CLTCL1: variants seen among roughly 807,000 people sequenced by gnomAD.
CLTCL1 encodes clathrin heavy chain like 1, also known as clathrin heavy chain 2.
In CLTCL1, 159 loss-of-function variants were observed where a neutral mutation model predicts 190.0. The observed-to-expected ratio is 0.84, with a 90% CI of 0.74 to 0.95. CLTCL1 has a LOEUF of 0.95. CLTCL1 is among the 40% of genes least tolerant of loss of function. The pLI is 0.00. For synonymous variants in CLTCL1, 752 were observed against 769.6 expected (o/e 0.98, Z 0.38); for missense variants, 1,878 against 2,033.4 (o/e 0.92, Z 1.47).
At chr22:19,291,526 C>T in intron 1 of CLTCL1, 74 bp downstream of exon 1, 2 of 1,243,698 alleles carry the variant, frequency 1.6e-6, no homozygotes, top group Non-Finnish European at 2.1e-6. Flanking sequence ...GCTGGGGGCG[C>T]GGGGTCAAGC....
intron 19 of CLTCL1, among the ~76,000 whole-genome samples, chr22:19,215,616 A>G (rs2085359767): frequency 6.6e-6 from 1 of 152,166 alleles, no homozygotes; most frequent in Non-Finnish European, 1.5e-5. Flanking sequence ...CATCGGAAGC[A>G]CGCACTCGCA....
intron 9 of CLTCL1, chr22:19,232,894 A>G: frequency 1.8e-6 from 1 of 556,848 alleles, no homozygotes; most frequent in Non-Finnish European, 3.1e-6. Flanking sequence ...GTCTGCCAAA[A>G]TATCAAATTA....
intron 7 of CLTCL1, among the ~76,000 whole-genome samples, chr22:19,234,111 T>C (rs2086002073): frequency 6.6e-6 from 1 of 152,192 alleles, no homozygotes; most frequent in East Asian, 1.9e-4. Flanking sequence ...GCCGAAATGC[T>C]ATATTCTAAA....
chr22:19,263,842 T>C (rs1555976726), intron 2 of CLTCL1, among the ~76,000 whole-genome samples: 1 of 152,206 alleles, frequency 6.6e-6, no homozygotes, highest in Non-Finnish European at 1.5e-5. Context: ...TTCATGTAAC[T>C]CACTATTGTA....
At chr22:19,202,849 C>T (rs1555940706) in intron 22 of CLTCL1, among the ~76,000 whole-genome samples, 1 of 152,166 alleles carries the variant, frequency 6.6e-6, no homozygotes, top group East Asian at 1.9e-4. Context: ...GCACAGTGTC[C>T]GTGGAATGTC....
At chr22:19,197,054 G>A (rs1455107477) in intron 24 of CLTCL1, among the ~76,000 whole-genome samples, 2 of 152,116 alleles carry the variant, frequency 1.3e-5, no homozygotes, top group African/African-American at 4.8e-5. Flanking sequence ...ATGCCACGTG[G>A]CTGTTGTTTC....
intron 15 of CLTCL1, among the ~76,000 whole-genome samples, chr22:19,222,418 C>T (rs1268322604): frequency 1.3e-5 from 2 of 152,168 alleles, no homozygotes; most frequent in South Asian, 2.1e-4. Flanking sequence ...TGTCTGCAAG[C>T]GTGGGAGACA....
chr22:19,187,664 T>G lies in CLTCL1; in HGVS notation c.4499A>C (p.Glu1500Ala). The change falls in exon 29 of 33, where the codon GAG (glutamate) becomes GCG (alanine). Residue 1500 changes from glutamate (E) to alanine (A), a missense_variant. Glu to Ala is a moderately radical substitution (Grantham distance 107). Transcript: ENST00000427926. ...FDNISLAQQLEKHQLMEFRCI... is the reference protein window; with the variant it reads ...FDNISLAQQLAKHQLMEFRCI... ...CCTGAACTCCATCAGCTGATGCTTC[T>G]CCAGCTGCTGAGCCAGGCTGATGTT... 6.2e-7 allele frequency: 1 copy of G among 1,613,818 alleles called. No homozygotes were observed. The highest frequency in any genetic ancestry group is 1.7e-5 in the Admixed American group (1 of 60,024).
At chr22:19,211,635 C>T (rs770743926) in intron 19 of CLTCL1, among the ~76,000 whole-genome samples, 37 of 151,900 alleles carry the variant, frequency 2.4e-4, no homozygotes, top group Non-Finnish European at 4.0e-4. Context: ...GGCGTGGTGG[C>T]AGGCGCCTGT....
intron 7 of CLTCL1, 109 bp downstream of exon 7, chr22:19,234,400 A>G: frequency 1.0e-6 from 1 of 995,116 alleles, no homozygotes; most frequent in Non-Finnish European, 1.4e-6. Context: ...CTCCTAACAT[A>G]ACACTAATAG....
At position 19,184,002 on chromosome 22, in the gene CLTCL1, T is replaced by A. The variant is rs138464143; in HGVS notation, c.4606-391A>T. 5.9e-3 allele frequency: 1,848 copies of A among 314,200 alleles called. 29 individuals carry two copies. Among genetic ancestry groups the A allele is most frequent in the African/African-American group, 0.036 (1,687 of 46,966 alleles). 19.5% of individuals were successfully genotyped at this position (314,200 alleles called of 1,614,324 possible). ...ACACCAGGGGAGCAGTTAGGAGGGG[T>A]ACGGCTACTGCTCTAGAAACAGCAA... is the stretch of plus-strand genomic sequence containing the variant. On this transcript the variant is annotated intron_variant, in intron 29 of 32. Transcript: ENST00000427926.
At chr22:19,239,748 C>T (rs2086191496) in intron 4 of CLTCL1, among the ~76,000 whole-genome samples, 1 of 152,152 alleles carries the variant, frequency 6.6e-6, no homozygotes, top group South Asian at 2.1e-4. Context: ...ATGGCCCAGA[C>T]TCATACAAGC....
At chr22:19,267,344 A>C (rs2087152601) in intron 2 of CLTCL1, among the ~76,000 whole-genome samples, 1 of 152,226 alleles carries the variant, frequency 6.6e-6, no homozygotes, top group Non-Finnish European at 1.5e-5. Flanking sequence ...AGAGACATTA[A>C]ATGACTAGAA....
intron 22 of CLTCL1, among the ~76,000 whole-genome samples, chr22:19,203,473 A>G (rs1353582815): frequency 6.6e-6 from 1 of 151,576 alleles, no homozygotes; most frequent in Non-Finnish European, 1.5e-5. Flanking sequence ...TCTGCAATCC[A>G]CTCCAATCAG....
intron 1 of CLTCL1, among the ~76,000 whole-genome samples, chr22:19,282,948 T>C (rs2146356091): frequency 6.6e-6 from 1 of 150,942 alleles, no homozygotes; most frequent in South Asian, 2.1e-4. Context: ...CTCGGCTCAT[T>C]GCAACCTCTG....
intron 27 of CLTCL1, 91 bp downstream of exon 27, chr22:19,191,213 T>C: frequency 6.6e-7 from 1 of 1,520,436 alleles, no homozygotes; most frequent in South Asian, 1.2e-5. Flanking sequence ...GGGGGTCATT[T>C]CAAAAACTCT....
At chr22:19,220,879 G>C (rs1736766679) in intron 17 of CLTCL1, among the ~76,000 whole-genome samples, 1 of 152,222 alleles carries the variant, frequency 6.6e-6, no homozygotes, top group African/African-American at 2.4e-5. Context: ...GACCTGGGCA[G>C]ATGTCTCAAG....
At chr22:19,208,347 C>G in intron 21 of CLTCL1, 36 bp from the exon 22 acceptor site, 1 of 1,604,168 alleles carries the variant, frequency 6.2e-7, no homozygotes, top group Non-Finnish European at 8.5e-7. Context: ...TAACCCAGAG[C>G]TGATAATTTT....
intron 30 of CLTCL1, chr22:19,183,143 C>A: frequency 2.0e-6 from 1 of 491,826 alleles, no homozygotes; most frequent in South Asian, 2.1e-5. Context: ...AGCTGCCCAG[C>A]CAGAGTCTAC....
Sources: allele counts gnomAD v4.1 joint callset (sites outside exome capture counted in the v4.1 genomes callset), GRCh38; gene constraint gnomAD v4.1.1; transcripts MANE v1.5; gene names NCBI Gene and HGNC (gene_info 2026-07-23, HGNC 2026-07-21).